MAN1A2: variants seen among roughly 807,000 people sequenced by gnomAD.
MAN1A2 encodes the protein mannosidase alpha class 1A member 2.
MAN1A2 carries 26 observed loss-of-function variants against 75.7 expected under a neutral mutation model. That is an observed-to-expected ratio of 0.34 (90% CI 0.25 to 0.48). MAN1A2 has a LOEUF of 0.48. Ranked by LOEUF, MAN1A2 falls within the 20% of genes least tolerant of loss-of-function variation. The probability of loss-of-function intolerance (pLI) is 0.99; values close to 1 mark genes in which losing one functional copy is unlikely to be tolerated. For synonymous variants in MAN1A2, 247 were observed against 264.6 expected, an observed-to-expected ratio of 0.93 and a Z score of 0.65; for missense variants, 562 against 775.5, an observed-to-expected ratio of 0.72 and a Z score of 3.27.
At chr1:117,478,634 T>G (rs1650395689) in intron 8 of MAN1A2, among the ~76,000 whole-genome samples, 1 of 152,000 alleles carries the variant, frequency 6.6e-6, no homozygotes, top group South Asian at 2.1e-4. Context: ...TACATATAAA[T>G]ATTCTATTAT....
intron 1 of MAN1A2, among the ~76,000 whole-genome samples, chr1:117,396,891 T>G (rs559148357): frequency 6.6e-6 from 1 of 152,122 alleles, no homozygotes; most frequent in East Asian, 1.9e-4. Context: ...GTCAGGGTAG[T>G]GTATGTTTTC....
intron 1 of MAN1A2, among the ~76,000 whole-genome samples, chr1:117,392,262 T>TA (rs1653745533): frequency 1.3e-5 from 2 of 152,036 alleles, no homozygotes; most frequent in Admixed American, 6.5e-5. Flanking sequence ...TATATTGTGT[T>TA]ACTTCTTCTG....
chr1:117,405,351 AT>A (rs35894696), intron 2 of MAN1A2, among the ~76,000 whole-genome samples, 197 bp from the exon 3 acceptor site: 1 of 152,102 alleles, frequency 6.6e-6, no homozygotes, highest in Non-Finnish European at 1.5e-5. Context: ...TATTATGCCC[AT>A]TTTTTTCCTG....
chr1:117,524,898 T>C lies in MAN1A2; in HGVS notation c.*1941T>C, dbSNP rs1378719467. The C allele has an allele frequency of 6.1e-6, 2 of 327,242 alleles. No individual in the cohort carries two copies. Among genetic ancestry groups the C allele is most frequent in the Non-Finnish European group, 1.2e-5 (2 of 164,460 alleles). The allele number at this position is 327,242 out of a possible 1,614,324, so 20.3% of individuals were successfully genotyped here. On this transcript the variant is annotated 3_prime_UTR_variant, in exon 13 of 13. Coordinates refer to ENST00000356554, the MANE Select transcript of MAN1A2 (RefSeq NM_006699.5). ...TAACTGTAGAAGGGAAAAGGGAAAG[T>C]ATTTGGTTCTAAAAAATGTTAGCCT...
intron 2 of MAN1A2, 47 bp from the exon 3 acceptor site, chr1:117,405,502 G>A (rs1345441420): frequency 8.4e-7 from 1 of 1,194,350 alleles, no homozygotes; most frequent in East Asian, 2.3e-5. Flanking sequence ...TAAAAAAACA[G>A]TTTGTGAAAA....
At chr1:117,400,541 A>G (rs1647389368) in intron 1 of MAN1A2, among the ~76,000 whole-genome samples, 6 of 151,298 alleles carry the variant, frequency 4.0e-5, no homozygotes, top group Admixed American at 4.0e-4. Flanking sequence ...CCTGGCTACC[A>G]CTAATCTATT....
chr1:117,469,310 A>G (rs757051988), intron 8 of MAN1A2, among the ~76,000 whole-genome samples: 7 of 152,178 alleles, frequency 4.6e-5, no homozygotes, highest in Non-Finnish European at 8.8e-5. Flanking sequence ...AATTAACTCA[A>G]AACAGATCAA....
chr1:117,420,682 T>C, intron 5 of MAN1A2, 33 bp downstream of exon 5: 1 of 1,449,110 alleles, frequency 6.9e-7, no homozygotes, highest in Non-Finnish European at 9.7e-7. Flanking sequence ...TTGTTTGTTT[T>C]GGAGGGGAGG....
Position 117,402,421 on chromosome 1 carries a change from A to C in MAN1A2, c.538A>C (p.Lys180Gln). 3 of 1,595,552 alleles carry C rather than the reference A, an allele frequency of 1.9e-6. No individual in the cohort carries two copies. Among genetic ancestry groups the C allele is most frequent in the Non-Finnish European group, 2.6e-6 (3 of 1,174,968 alleles). The change falls in exon 2 of 13, where the codon AAA becomes CAA. Residue 180 changes from lysine to glutamine, a missense_variant. This residue lies in a region of MAN1A2 where 434 missense variants were observed against 645.7 expected (regional missense o/e 0.67). Transcript: ENST00000356554. ...CCCAGAAGATAATGACATAAGAGAG[A>C]AAAGGGAAAAAATTAAAGAGGTAAT... is the stretch of plus-strand genomic sequence containing the variant. ...GDPEDNDIRE[K>Q]REKIKEMMKH...
rs12064832 is a variant in MAN1A2, at chr1:117,368,468, C to G, written c.285C>G (p.Pro95=). The change falls in exon 1 of 13, where the codon CCC becomes CCG. Residue 95 remains proline, a synonymous_variant. Coordinates refer to ENST00000356554, the MANE Select transcript of MAN1A2 (RefSeq NM_006699.5). ...CCGGAGTCTTCCTGATCCATGGACCCGATGAACATAGACACAGGTTTGTTT... is the reference window on the plus strand; with the variant it reads ...CCGGAGTCTTCCTGATCCATGGACCGGATGAACATAGACACAGGTTTGTTT... ...KNPGVFLIHG[P]DEHRHREEEE... The G allele has an allele frequency of 7.5e-4, 1,210 of 1,610,398 alleles. 8 individuals are homozygous for G. The African/African-American group carries it at 0.014, about 18-fold the overall frequency.
intron 7 of MAN1A2, among the ~76,000 whole-genome samples, chr1:117,463,623 T>C (rs1557961287): frequency 1.3e-5 from 2 of 152,072 alleles, no homozygotes; most frequent in Middle Eastern, 3.4e-3. Flanking sequence ...AGCATGGCAA[T>C]TGTGCAAACA....
chr1:117,455,175 A>G (rs946419341), intron 6 of MAN1A2, among the ~76,000 whole-genome samples: 2 of 152,154 alleles, frequency 1.3e-5, no homozygotes, highest in African/African-American at 4.8e-5. Context: ...TTTAGCCATA[A>G]AAAGAATCTA....
At chr1:117,493,022 G>A in intron 8 of MAN1A2, 125 bp from the exon 9 acceptor site, 1 of 602,808 alleles carries the variant, frequency 1.7e-6, no homozygotes, top group Non-Finnish European at 3.0e-6. Context: ...GTTGGAAATA[G>A]GGTTGTCAAT....
chr1:117,408,572 C>G lies in MAN1A2; in HGVS notation c.655+2927C>G, dbSNP rs550909239. Among the ~76,000 whole-genome samples, 16 of 152,050 alleles carry G rather than the reference C, an allele frequency of 1.1e-4. No homozygotes were observed. The South Asian group carries it at 3.3e-3, about 32-fold the overall frequency. On this transcript the variant is annotated intron_variant, in intron 3 of 12. Transcript: ENST00000356554. ...CATGTTTTGTTGAAGATTGTTGCTT[C>G]TATATTAATAAGAGATACTGCTCTG...
chr1:117,496,664 T>G lies in MAN1A2; in HGVS notation c.1285-99T>G, dbSNP rs1165315122. 3 of 831,410 alleles carry G rather than the reference T, an allele frequency of 3.6e-6. No individual in the cohort carries two copies. In the Admixed American group the frequency reaches 7.2e-5, roughly 20 times the overall value. 51.5% of individuals were successfully genotyped at this position (831,410 alleles called of 1,614,324 possible). On this transcript the variant is annotated intron_variant, in intron 9 of 12. Transcript: ENST00000356554. Reference sequence around the variant, plus strand: ...TTGGGAAAGTTACTACTTTATAGACTATCATATTACCCAGGTTTTATAATG... The same window carrying G: ...TTGGGAAAGTTACTACTTTATAGACGATCATATTACCCAGGTTTTATAATG...
At chr1:117,487,538 T>C (rs1415486936) in intron 8 of MAN1A2, among the ~76,000 whole-genome samples, 1 of 152,092 alleles carries the variant, frequency 6.6e-6, no homozygotes, top group Non-Finnish European at 1.5e-5. Flanking sequence ...TGTAGCATGA[T>C]TTTACGCAGT....
intron 3 of MAN1A2, among the ~76,000 whole-genome samples, chr1:117,412,237 TC>T (rs1324479246): frequency 4.0e-5 from 6 of 151,710 alleles, no homozygotes; most frequent in Non-Finnish European, 3.0e-5. Context: ...GTTTCTTCTT[TC>T]ATAAGTCAAA....
At chr1:117,487,246 T>C (rs1650740291) in intron 8 of MAN1A2, among the ~76,000 whole-genome samples, 1 of 151,882 alleles carries the variant, frequency 6.6e-6, no homozygotes, top group African/African-American at 2.4e-5. Flanking sequence ...AGACAAAGAC[T>C]TAGGACTGAA....
At position 117,496,974 on chromosome 1, in the gene MAN1A2, A is replaced by G. The variant is rs1478551843; in HGVS notation, c.1496A>G (p.Asp499Gly). The change falls in exon 10 of 13, where the codon GAC (aspartate) becomes GGC (glycine). Residue 499 changes from aspartate (D) to glycine (G), a missense_variant. Around this residue, in one of 2 missense-constraint regions of MAN1A2, gnomAD observed 434 missense variants for 645.7 expected, o/e 0.67. Transcript: ENST00000356554. ...GCACGTACTTGTCATGAGTCATATG[A>G]CAGAACTGGTAAGAATATTAATAAG... The part of the protein sequence containing the change: ...EIARTCHESY[D>G]RTALKLGPES... 6.2e-7 allele frequency: 1 copy of G among 1,609,676 alleles called. No homozygotes were observed. The highest frequency in any genetic ancestry group is 8.5e-7 in the Non-Finnish European group (1 of 1,177,478).
Sources: allele counts gnomAD v4.1 joint callset (sites outside exome capture counted in the v4.1 genomes callset), GRCh38; gene constraint gnomAD v4.1.1; regional missense constraint gnomAD v4.1.1; transcripts MANE v1.5; gene names NCBI Gene and HGNC (gene_info 2026-07-23, HGNC 2026-07-21).